The following FMC1 variants were observed in gnomAD, a reference collection of about 807,000 sequenced individuals.
FMC1 encodes formation of mitochondrial complex V assembly factor 1, also known as protein FMC1 homolog.
A neutral mutation model predicts 10.5 loss-of-function variants in FMC1; 6 were observed. That is an observed-to-expected ratio of 0.57 (90% CI 0.31 to 1.12). FMC1 has a LOEUF of 1.12. FMC1 is among the 50% of genes most tolerant of loss of function. The pLI, the probability that FMC1 is intolerant of heterozygous loss-of-function variation, is 0.05. For synonymous variants in FMC1, 59 were observed against 62.1 expected, an observed-to-expected ratio of 0.95 and a Z score of 0.24; for missense variants, 146 against 151.7, an observed-to-expected ratio of 0.96 and a Z score of 0.20.
At chr7:139,343,591 A>G (rs1295446956) in intron 1 of FMC1, among the ~76,000 whole-genome samples, 1 of 152,092 alleles carries the variant, frequency 6.6e-6, no homozygotes, top group Non-Finnish European at 1.5e-5. Flanking sequence ...AAAACCAAGA[A>G]GCCACACACA....
At chr7:139,341,325 G>A, upstream of FMC1, 1 of 1,564,858 alleles carries the variant, frequency 6.4e-7, no homozygotes, top group Non-Finnish European at 8.7e-7. Flanking sequence ...CTGGGCCGGA[G>A]GAGGGGTTTT....
At chr7:139,343,815 G>C (rs568460631) in intron 1 of FMC1, among the ~76,000 whole-genome samples, 4 of 151,208 alleles carry the variant, frequency 2.6e-5, no homozygotes, top group Non-Finnish European at 5.9e-5. Flanking sequence ...TGCGTCTGTA[G>C]TCCCAGCTAC....
In FMC1 at chr7:139,341,522, G is replaced by A. The variant is rs1468210613; in HGVS notation, c.138G>A (p.Arg46=). ...RYLVKAFRAH[R]VTSEKLCRAQ... ...TTGTGAAGGCTTTCCGTGCACATCGGGTACGGGAGCCATGTCCCGGGTGCT... is the reference window on the plus strand; with the variant it reads ...TTGTGAAGGCTTTCCGTGCACATCGAGTACGGGAGCCATGTCCCGGGTGCT... Residue 46 remains arginine (R), a splice_region_variant and synonymous_variant, in exon 1 of 2, where the codon CGG becomes CGA. Coordinates refer to ENST00000297534, the MANE Select transcript of FMC1 (RefSeq NM_197964.5). The A allele has an allele frequency of 1.2e-6, 2 of 1,611,452 alleles. No individual in the cohort carries two copies. Among genetic ancestry groups the A allele is most frequent in the East Asian group, 2.2e-5 (1 of 44,822 alleles).
chr7:139,340,853 A>AGT (rs1330552337), upstream of FMC1, among the ~76,000 whole-genome samples: 3 of 151,564 alleles, frequency 2.0e-5, no homozygotes, highest in Admixed American at 1.3e-4. Context: ...TTAAATGGGA[A>AGT]GTGTGTGTGT....
At chr7:139,344,031 T>C (rs1799137065) in intron 1 of FMC1, among the ~76,000 whole-genome samples, 2 of 151,998 alleles carry the variant, frequency 1.3e-5, no homozygotes, top group Admixed American at 6.6e-5. Context: ...CTCAGAGCTA[T>C]GCACACATCC....
chr7:139,340,484 G>C, upstream of FMC1: 1 of 398,574 alleles, frequency 2.5e-6, no homozygotes, highest in East Asian at 3.6e-5. Flanking sequence ...GCGCGCGCCC[G>C]TTCAACGTCC....
intron 1 of FMC1, 44 bp from the exon 2 acceptor site, chr7:139,345,457 T>C: frequency 1.2e-6 from 2 of 1,611,338 alleles, no homozygotes; most frequent in Admixed American, 1.7e-5. Flanking sequence ...TGTGGACCTG[T>C]ATCTCTAGCT....
At chr7:139,344,521 A>G (rs1389591789) in intron 1 of FMC1, among the ~76,000 whole-genome samples, 1 of 151,996 alleles carries the variant, frequency 6.6e-6, no homozygotes, top group Non-Finnish European at 1.5e-5. Context: ...TTTTTTTCTG[A>G]GTATTTTTTA....
rs141486673 is a variant in FMC1, at chr7:139,341,383, C to T, written c.-2C>T. 85 of 1,612,204 alleles carry T rather than the reference C, an allele frequency of 5.3e-5. No individual in the cohort carries two copies. Among genetic ancestry groups the T allele is most frequent in the Non-Finnish European group, 6.4e-5 (75 of 1,179,412 alleles). Reference sequence around the variant, plus strand: ...GCACCACGCTCGGAGAAGGACAGGACAATGGCGGCCTTAGGGTCCCCGTCG... The same window carrying T: ...GCACCACGCTCGGAGAAGGACAGGATAATGGCGGCCTTAGGGTCCCCGTCG... On this transcript the variant is annotated 5_prime_UTR_variant, in exon 1 of 2. Transcript: ENST00000297534.
chr7:139,341,316 T>C (rs1798943180), upstream of FMC1: 2 of 1,547,510 alleles, frequency 1.3e-6, no homozygotes, highest in South Asian at 2.3e-5. Context: ...ATTAGGCGCC[T>C]GGGCCGGAGG....
upstream of FMC1, among the ~76,000 whole-genome samples, chr7:139,340,923 C>G (rs920369868): frequency 5.3e-5 from 8 of 151,756 alleles, no homozygotes; most frequent in African/African-American, 1.9e-4. Context: ...TGTCCTTTGT[C>G]TGAGCCGCAG....
intron 1 of FMC1, among the ~76,000 whole-genome samples, chr7:139,343,395 G>A (rs185735791): frequency 1.1e-3 from 167 of 152,322 alleles, no homozygotes; most frequent in African/African-American, 3.8e-3. Context: ...GCAACATAGT[G>A]TAGTGAGACT....
intron 1 of FMC1, among the ~76,000 whole-genome samples, chr7:139,343,321 C>T (rs554239247): frequency 6.6e-6 from 1 of 152,328 alleles, no homozygotes; most frequent in East Asian, 1.9e-4. Flanking sequence ...TGTTTTTAAG[C>T]AGCTAATGAA....
At chr7:139,340,632 T>C, upstream of FMC1, 1 of 396,760 alleles carries the variant, frequency 2.5e-6, no homozygotes. Flanking sequence ...AAGGCGAAAA[T>C]GAAGTGACGA....
At chr7:139,341,587 G>C in intron 1 of FMC1, 65 bp downstream of exon 1, 1 of 1,576,626 alleles carries the variant, frequency 6.3e-7, no homozygotes, top group Non-Finnish European at 8.6e-7. Context: ...GTCTGGGCTA[G>C]GGTGGGGAGC....
At chr7:139,341,138 C>T (rs2131131235), upstream of FMC1, 1 of 479,584 alleles carries the variant, frequency 2.1e-6, no homozygotes, top group Non-Finnish European at 3.3e-6. Context: ...TCCCCAAACC[C>T]TTGTTCTGGG....
At chr7:139,345,470 G>A (rs1289528812) in intron 1 of FMC1, 31 bp from the exon 2 acceptor site, 3 of 1,613,340 alleles carry the variant, frequency 1.9e-6, no homozygotes, top group East Asian at 4.5e-5. Flanking sequence ...CTCTAGCTGG[G>A]TTAAGAATTT....
intron 1 of FMC1, among the ~76,000 whole-genome samples, chr7:139,344,115 A>G (rs1016259898): frequency 4.6e-5 from 7 of 152,066 alleles, no homozygotes; most frequent in African/African-American, 1.7e-4. Flanking sequence ...GTGAATCTCA[A>G]AAGTTAAGTA....
Position 139,341,488 on chromosome 7 carries a change from A to G in FMC1, c.104A>G (p.Tyr35Cys), listed in dbSNP as rs762406780. ...TGRPYRDTAAYRYLVKAFRAH... is the reference protein window; with the variant it reads ...TGRPYRDTAACRYLVKAFRAH... ...CGACCCTATCGCGACACCGCGGCCT[A>G]TCGGTACCTTGTGAAGGCTTTCCGT... Residue 35 changes from tyrosine (Y) to cysteine (C), a missense_variant, in exon 1 of 2, where the codon TAT becomes TGT. Physicochemically the swap from Tyr to Cys is radical, Grantham distance 194. Transcript: ENST00000297534. The G allele has an allele frequency of 4.3e-6, 7 of 1,613,794 alleles. No individual in the cohort carries two copies. Among genetic ancestry groups the G allele is most frequent in the South Asian group, 1.1e-5 (1 of 91,080 alleles).
Sources: gnomAD v4.1 joint callset for allele counts (sites outside exome capture counted in the v4.1 genomes callset) on GRCh38, gnomAD v4.1.1 for gene constraint, MANE v1.5 for transcripts, NCBI Gene and HGNC (gene_info 2026-07-23, HGNC 2026-07-21) for gene names.